PGM3: variants seen among roughly 807,000 people sequenced by gnomAD.
PGM3 encodes phosphoglucomutase 3, also known as phosphoacetylglucosamine mutase.
Under a neutral mutation model 66.2 loss-of-function variants are expected in PGM3, and 40 were observed. That is an observed-to-expected ratio of 0.60 (90% confidence interval 0.47 to 0.79). The LOEUF (loss-of-function observed/expected upper bound fraction) is 0.79, where lower values mean the gene tolerates loss of function less well. PGM3 is among the 30% of genes least tolerant of loss of function. The pLI, the probability that PGM3 is intolerant of heterozygous loss-of-function variation, is 0.00. For missense variants in PGM3, 537 were observed against 643.4 expected, an observed-to-expected ratio of 0.83 and a Z score of 1.79; for synonymous variants, 191 against 224.2, an observed-to-expected ratio of 0.85 and a Z score of 1.32.
At position 83,187,038 on chromosome 6, in the gene PGM3, C is replaced by G. The variant is rs1208622777; in HGVS notation, c.427G>C (p.Gly143Arg). 6.2e-7 allele frequency: 1 copy of G among 1,600,872 alleles called. No individual in the cohort carries two copies. Among genetic ancestry groups the G allele is most frequent in the South Asian group, 1.1e-5 (1 of 90,528 alleles). The change falls in exon 4 of 13, where the codon GGT becomes CGT. Residue 143 changes from glycine (G) to arginine (R), a missense_variant. Physicochemically the swap from Gly to Arg is moderately radical, Grantham distance 125 (BLOSUM62 -2). Transcript: ENST00000513973. ...AATTGACCTCCTAGAACAGTCACAC[C>G]ATCTATTACAGATTGTGAAAGTTTC... The part of the protein sequence containing the change: ...SEKLSQSVID[G>R]VTVLGGQFHD...
Position 83,165,442 on chromosome 6 carries a change from A to G in PGM3, c.*3792T>C, listed in dbSNP as rs534412056. 1 of 152,836 alleles carries G rather than the reference A, an allele frequency of 6.5e-6. No homozygotes were observed. The highest frequency in any genetic ancestry group is 2.1e-4 in the South Asian group (1 of 4,858). 9.5% of individuals were successfully genotyped at this position (152,836 alleles called of 1,614,324 possible). A position where few individuals can be genotyped will look rare whatever the true frequency, so the allele number is the denominator to read the frequency against. On this transcript the variant is annotated 3_prime_UTR_variant, in exon 13 of 13. Transcript: ENST00000513973. ...ATATTTTTAGTTTGGTGCAAAAGTAATTGCTGTTTGGGACCATGAATTTTA... is the reference window on the plus strand; with the variant it reads ...ATATTTTTAGTTTGGTGCAAAAGTAGTTGCTGTTTGGGACCATGAATTTTA...
chr6:83,177,103 G>A (rs1261965319), intron 8 of PGM3, among the ~76,000 whole-genome samples: 1 of 152,152 alleles, frequency 6.6e-6, no homozygotes, highest in Non-Finnish European at 1.5e-5. Context: ...TGTGACTACA[G>A]TTGACATCAG....
intron 12 of PGM3, chr6:83,169,942 C>T (rs1786743211): frequency 2.6e-6 from 1 of 383,250 alleles, no homozygotes; most frequent in Non-Finnish European, 5.0e-6. Flanking sequence ...TAGAAATGAA[C>T]TACAAAGCTG....
downstream of PGM3, among the ~76,000 whole-genome samples, chr6:83,160,755 T>C (rs1291139790): frequency 6.6e-6 from 1 of 152,174 alleles, no homozygotes; most frequent in South Asian, 2.1e-4. Context: ...ATCCACAAGA[T>C]CAAATATGTA....
chr6:83,175,927 G>T (rs202110250), intron 9 of PGM3, 35 bp downstream of exon 9: 2 of 1,115,690 alleles, frequency 1.8e-6, no homozygotes, highest in Non-Finnish European at 2.8e-6. Context: ...AAAGAAAAGT[G>T]CCAGCTAAGG....
At chr6:83,170,221 G>A (rs1361499894) in intron 12 of PGM3, 84 bp downstream of exon 12, 4 of 1,259,366 alleles carry the variant, frequency 3.2e-6, no homozygotes, top group Non-Finnish European at 4.6e-6. Context: ...AATCATCATA[G>A]TGAGATTCTA....
chr6:83,170,523 T>A, intron 11 of PGM3, 45 bp from the exon 12 acceptor site: 1 of 1,496,182 alleles, frequency 6.7e-7, no homozygotes, highest in Non-Finnish European at 9.3e-7. Flanking sequence ...ACACTTCCTT[T>A]CAGAAGCTTA....
At position 83,167,093 on chromosome 6, in the gene PGM3, T is replaced by C. The variant is rs924479483; in HGVS notation, c.*2141A>G. On this transcript the variant is annotated 3_prime_UTR_variant, in exon 13 of 13. Transcript: ENST00000513973. ...TCTTAATACCCAAATTATTAGTCTTTATATTTAGTTGACAGAGTTTTCACA... is the reference window on the plus strand; with the variant it reads ...TCTTAATACCCAAATTATTAGTCTTCATATTTAGTTGACAGAGTTTTCACA... 2 of 983,194 alleles carry C rather than the reference T, an allele frequency of 2.0e-6. No homozygotes were observed. The highest frequency in any genetic ancestry group is 3.5e-5 in the African/African-American group (2 of 57,176). The allele number at this position is 983,194 out of a possible 1,614,324, so 60.9% of individuals were successfully genotyped here.
intron 1 of PGM3, among the ~76,000 whole-genome samples, chr6:83,192,909 A>G (rs948080339): frequency 6.6e-5 from 10 of 151,990 alleles, no homozygotes; most frequent in Non-Finnish European, 1.5e-4. Context: ...GAATCACCGC[A>G]CAAGGGTGAT....
intron 3 of PGM3, 84 bp from the exon 4 acceptor site, chr6:83,187,159 A>G: frequency 2.4e-6 from 2 of 818,922 alleles, no homozygotes; most frequent in South Asian, 3.0e-5. Context: ...CAAAAATTAC[A>G]TGCTACAAAT....
chr6:83,182,466 C>T (rs1272354615), intron 5 of PGM3, among the ~76,000 whole-genome samples: 1 of 152,190 alleles, frequency 6.6e-6, no homozygotes, highest in Non-Finnish European at 1.5e-5. Flanking sequence ...TCTCAAATCT[C>T]TCTACATTTA....
At chr6:83,155,432 A>T in the PGM3 span, among the ~76,000 whole-genome samples, 1 of 152,160 alleles carries the variant, frequency 6.6e-6, no homozygotes. Flanking sequence ...ACTGCACTTC[A>T]GACTGGGTGA....
chr6:83,190,740 A>G (rs1788979923), intron 2 of PGM3, 69 bp downstream of exon 2: 2 of 1,214,626 alleles, frequency 1.6e-6, no homozygotes, highest in South Asian at 1.2e-5. Context: ...CTTTAGGTCA[A>G]TTTGCTCAGA....
rs200072483 is a variant in PGM3 at position 83,170,377 on chromosome 6, C to T, written c.1467G>A (p.Lys489=). The T allele has an allele frequency of 4.1e-5, 66 of 1,614,134 alleles. 1 individual carries two copies. The East Asian group carries it at 1.4e-3, about 34-fold the overall frequency. ...AGGGCCGGACAAAAGCTCGAGAAAGCTTGTACTTCTTCACCAGGTCATTGA... is the reference window on the plus strand; with the variant it reads ...AGGGCCGGACAAAAGCTCGAGAAAGTTTGTACTTCTTCACCAGGTCATTGA... ...EAINDLVKKY[K]LSRAFVRPSG... is the part of the protein sequence containing the mutation. The change falls in exon 12 of 13, where the codon AAG becomes AAA. Residue 489 remains lysine, a synonymous_variant. Transcript: ENST00000513973.
In PGM3 at chr6:83,167,325, C is replaced by T; in HGVS notation, c.*1909G>A. On this transcript the variant is annotated 3_prime_UTR_variant, in exon 13 of 13. Transcript: ENST00000513973. The stretch of plus-strand genomic sequence containing the variant: ...AGACAGCAGTGTCTCCTGAGGGATC[C>T]CTTCCTTTCTCTGTGATGCAGTACT... The T allele has an allele frequency of 4.1e-6, 4 of 985,472 alleles. No individual in the cohort carries two copies. Among genetic ancestry groups the T allele is most frequent in the Non-Finnish European group, 4.8e-6 (4 of 830,000 alleles). The allele number at this position is 985,472 out of a possible 1,614,324, so 61.0% of individuals were successfully genotyped here.
the PGM3 span, chr6:83,151,787 T>C: frequency 7.6e-6 from 11 of 1,443,338 alleles, no homozygotes; most frequent in Admixed American, 2.0e-5. Context: ...AACAAGTCTA[T>C]TGTAAAATAT....
At chr6:83,172,177 C>T (rs1460214425) in intron 10 of PGM3, 118 bp from the exon 11 acceptor site, 5 of 971,436 alleles carry the variant, frequency 5.1e-6, no homozygotes, top group Non-Finnish European at 7.6e-6. Context: ...CTGAAACATG[C>T]TGAGTGCCAA....
At chr6:83,162,480 C>T (rs145576679), downstream of PGM3, among the ~76,000 whole-genome samples, 33 of 152,150 alleles carry the variant, frequency 2.2e-4, no homozygotes, top group African/African-American at 8.0e-4. Flanking sequence ...TATGCCTGTT[C>T]GCTAATGAGA....
chr6:83,173,211 G>C (rs1787434800), intron 10 of PGM3, among the ~76,000 whole-genome samples: 1 of 152,176 alleles, frequency 6.6e-6, no homozygotes, highest in Non-Finnish European at 1.5e-5. Context: ...CTCACATGCA[G>C]CATGATTAAA....
Sources: allele counts gnomAD v4.1 joint callset (sites outside exome capture counted in the v4.1 genomes callset), GRCh38; gene constraint gnomAD v4.1.1; transcripts MANE v1.5; gene names NCBI Gene and HGNC (gene_info 2026-07-23, HGNC 2026-07-21).